Variants in NAV2 observed in about 807,000 individuals in gnomAD.
NAV2 encodes the protein neuron navigator 2, also known as helicase, APC down-regulated 1.
A neutral mutation model predicts 223.2 loss-of-function variants in NAV2; 54 were observed. The observed-to-expected ratio is 0.24, with a 90% CI of 0.19 to 0.30. The LOEUF is 0.30. Ranked by LOEUF, NAV2 falls within the 10% of genes least tolerant of loss-of-function variation. The pLI is 1.00. For synonymous variants in NAV2, 1,279 were observed against 1,239.3 expected, an observed-to-expected ratio of 1.03 and a Z score of -0.67; for missense variants, 2,806 against 3,147.5, an observed-to-expected ratio of 0.89 and a Z score of 2.60.
rs535968535 is a variant in NAV2 at position 19,655,729 on chromosome 11, C to T, written c.76-176755C>T. 2.5e-5 allele frequency among the ~76,000 whole-genome samples: 3 copies of T among 121,886 alleles called. No homozygotes were observed. The South Asian group carries it at 8.1e-4, about 33-fold the overall frequency. The allele number at this position is 121,886 out of a possible 152,430, so 80.0% of individuals were successfully genotyped here. On this transcript the variant is annotated intron_variant, in intron 1 of 37. Transcript: ENST00000360655. ...GATACAGGAAGGGGAACATCACACA[C>T]CGGGGCCTGTTTTGGGGTGGGGGGA... is the stretch of plus-strand genomic sequence containing the variant.
intron 10 of NAV2, among the ~76,000 whole-genome samples, chr11:19,959,277 C>A (rs1345391679): frequency 6.6e-6 from 1 of 152,148 alleles, no homozygotes; most frequent in Non-Finnish European, 1.5e-5. Flanking sequence ...CCACAGCCTG[C>A]CAACTCTTGT....
intron 1 of NAV2, among the ~76,000 whole-genome samples, chr11:19,626,883 C>T (rs566244606): frequency 1.3e-5 from 2 of 152,274 alleles, no homozygotes; most frequent in Admixed American, 6.5e-5. Flanking sequence ...TTCTCTGACT[C>T]TGTTTTCTTA....
At chr11:19,841,866 T>C (rs1234788478) in intron 2 of NAV2, among the ~76,000 whole-genome samples, 1 of 152,228 alleles carries the variant, frequency 6.6e-6, no homozygotes, top group Non-Finnish European at 1.5e-5. Context: ...TACTACGTGT[T>C]GGGCACCGTG....
Position 20,069,111 on chromosome 11 carries a change from TAAG to T in NAV2, c.4983+716_4983+718del, listed in dbSNP as rs538960094. Among the ~76,000 whole-genome samples, 25 of 151,480 alleles carry T rather than the reference TAAG, an allele frequency of 1.7e-4. No homozygotes were observed. The South Asian group carries it at 5.0e-3, about 30-fold the overall frequency. ...GGGACAGCTCATCTGATATTGAAAA[TAAG>T]AAAAAAATTTTTTAAAAGGGGGACA... is the stretch of plus-strand genomic sequence containing the variant. On this transcript the variant is annotated intron_variant, in intron 22 of 37. Transcript: ENST00000349880.
intron 3 of NAV2, among the ~76,000 whole-genome samples, chr11:19,866,857 GCTTTTT>G (rs1243891516): frequency 6.6e-6 from 1 of 152,124 alleles, no homozygotes; most frequent in Non-Finnish European, 1.5e-5. Flanking sequence ...GGGATGGTGA[GCTTTTT>G]CTTTTTCTCA....
chr11:19,953,997 G>C (rs985631191), intron 10 of NAV2, among the ~76,000 whole-genome samples: 1 of 152,156 alleles, frequency 6.6e-6, no homozygotes, highest in African/African-American at 2.4e-5. Context: ...TATTCTTGAT[G>C]CCTACTCTGG....
exon 1 of NAV2, chr11:19,350,743 G>A (rs995973065): frequency 2.2e-5 from 13 of 580,358 alleles, no homozygotes; most frequent in Non-Finnish European, 3.4e-5. Context: ...GCCGGCAGCA[G>A]TCACCCTCAT....
intron 1 of NAV2, among the ~76,000 whole-genome samples, chr11:19,578,185 C>T (rs2045620823): frequency 6.6e-6 from 1 of 152,244 alleles, no homozygotes; most frequent in Non-Finnish European, 1.5e-5. Flanking sequence ...TGCAGAGTGC[C>T]TCTGCCTCCT....
chr11:19,591,380 A>G (rs1277904801), intron 1 of NAV2: 2 of 152,198 alleles, frequency 1.3e-5, no homozygotes, highest in Non-Finnish European at 2.9e-5. Context: ...TTTTTTGTCT[A>G]GATGGTCAGG....
chr11:19,704,916 C>T (rs1242643306), intron 1 of NAV2, among the ~76,000 whole-genome samples: 1 of 147,990 alleles, frequency 6.8e-6, no homozygotes, highest in African/African-American at 2.5e-5. Context: ...GAGGCTGAGG[C>T]AGGAGAATGG....
intron 22 of NAV2, among the ~76,000 whole-genome samples, chr11:20,074,953 G>A (rs936366434): frequency 6.6e-5 from 10 of 151,956 alleles, no homozygotes; most frequent in South Asian, 2.1e-4. Context: ...AGGAATGCCC[G>A]TAAGTGGAGT....
chr11:19,586,854 G>T (rs2045915537), intron 1 of NAV2, among the ~76,000 whole-genome samples: 1 of 152,228 alleles, frequency 6.6e-6, no homozygotes, highest in Non-Finnish European at 1.5e-5. Context: ...CAGTCTGTCT[G>T]TTCTCAGATC....
chr11:19,692,198 C>T (rs1339375952), intron 1 of NAV2, among the ~76,000 whole-genome samples: 1 of 152,224 alleles, frequency 6.6e-6, no homozygotes, highest in Non-Finnish European at 1.5e-5. Context: ...TGGCTGAGGG[C>T]CTCACCACCG....
At chr11:19,585,984 T>G (rs1316559091) in intron 1 of NAV2, among the ~76,000 whole-genome samples, 1 of 152,218 alleles carries the variant, frequency 6.6e-6, no homozygotes, top group Admixed American at 6.5e-5. Context: ...TTTTCCAACT[T>G]TGTTCCATTC....
intron 6 of NAV2, among the ~76,000 whole-genome samples, chr11:19,910,964 C>G (rs2043259753): frequency 2.0e-5 from 3 of 151,944 alleles, no homozygotes; most frequent in Admixed American, 2.0e-4. Flanking sequence ...CCAAAATGCC[C>G]TTAAGTGTAA....
chr11:19,370,316 T>C (rs559001261), intron 1 of NAV2, among the ~76,000 whole-genome samples: 1 of 152,252 alleles, frequency 6.6e-6, no homozygotes, highest in African/African-American at 2.4e-5. Flanking sequence ...AGCCTTTACA[T>C]TGAGCCGGTC....
chr11:19,784,917 A>G (rs2056992924), intron 1 of NAV2, among the ~76,000 whole-genome samples: 2 of 152,208 alleles, frequency 1.3e-5, no homozygotes, highest in South Asian at 4.1e-4. Flanking sequence ...GAGAGCAAGA[A>G]TCACTCTTTT....
At chr11:19,877,464 T>G (rs1445378229) in intron 4 of NAV2, among the ~76,000 whole-genome samples, 1 of 130,086 alleles carries the variant, frequency 7.7e-6, no homozygotes, top group Non-Finnish European at 1.7e-5. Context: ...TTGGCTTATC[T>G]TCATTCTTTT....
chr11:20,107,057 ATTTTTTTTTTTTTTTTTT>A (rs10590815), intron 35 of NAV2, among the ~76,000 whole-genome samples: 8 of 27,228 alleles, frequency 2.9e-4, no homozygotes, highest in East Asian at 2.1e-3. Flanking sequence ...ATGGGCTTCC[ATTTTTTTTTTTTTTTTTT>A]TTTTTTTTTT....
Sources: allele counts gnomAD v4.1 joint callset (sites outside exome capture counted in the v4.1 genomes callset), GRCh38; gene constraint gnomAD v4.1.1; transcripts MANE v1.5; gene names NCBI Gene and HGNC (gene_info 2026-07-23, HGNC 2026-07-21).